The following SH3KBP1 variants were observed in gnomAD, a reference collection of about 807,000 sequenced individuals.
The protein encoded by SH3KBP1 is SH3 domain containing kinase binding protein 1.
In SH3KBP1, 8 loss-of-function variants were observed where a neutral mutation model predicts 50.1. The observed-to-expected ratio is 0.16, with a 90% CI of 0.09 to 0.29. The LOEUF is 0.29. SH3KBP1 is among the 10% of genes least tolerant of loss of function. The pLI is 1.00. For synonymous variants in SH3KBP1, 227 were observed against 218.6 expected (o/e 1.04, Z -0.34); for missense variants, 377 against 535.2 (o/e 0.70, Z 2.92).
intron 5 of SH3KBP1, among the ~76,000 whole-genome samples, chrX:19,687,276 T>C (rs2063187839): frequency 8.9e-6 from 1 of 112,634 alleles, no homozygotes; most frequent in Non-Finnish European, 1.9e-5. Flanking sequence ...CAGGAAGCCA[T>C]CTTACACCAC....
intron 4 of SH3KBP1, among the ~76,000 whole-genome samples, chrX:19,696,088 A>G: frequency 1.8e-5 from 2 of 111,948 alleles, no homozygotes; most frequent in Middle Eastern, 4.7e-3. Context: ...AACCACAGAT[A>G]TTTTCATATC....
intron 2 of SH3KBP1, among the ~76,000 whole-genome samples, chrX:19,796,563 G>C (rs766604069): frequency 5.4e-5 from 6 of 111,947 alleles, no homozygotes; most frequent in African/African-American, 1.9e-4. Context: ...TCAGGGCAGG[G>C]GAAAGCTATT....
At chrX:19,740,360 C>T (rs1285387868) in intron 3 of SH3KBP1, among the ~76,000 whole-genome samples, 2 of 111,944 alleles carry the variant, frequency 1.8e-5, no homozygotes, top group African/African-American at 3.3e-5. Flanking sequence ...TTCACACAGA[C>T]GTATATATTA....
intron 2 of SH3KBP1, among the ~76,000 whole-genome samples, chrX:19,820,908 A>G (rs1011796698): frequency 4.5e-5 from 5 of 111,437 alleles, no homozygotes; most frequent in African/African-American, 1.6e-4. Flanking sequence ...TACATATGTA[A>G]CTTGTCACAG....
chrX:19,792,434 A>G (rs2066559149), intron 2 of SH3KBP1, among the ~76,000 whole-genome samples: 1 of 111,477 alleles, frequency 9.0e-6, no homozygotes, highest in Admixed American at 9.5e-5. Flanking sequence ...CTTTTCTATC[A>G]AAACATTTTT....
chrX:19,683,754 C>T, intron 6 of SH3KBP1, 69 bp downstream of exon 6: 1 of 1,051,487 alleles, frequency 9.5e-7, no homozygotes. Context: ...GCCTCCAGCA[C>T]CAAACCCCAC....
chrX:19,739,014 G>GAA (rs1167676836), intron 3 of SH3KBP1, among the ~76,000 whole-genome samples: 87 of 22,446 alleles, frequency 3.9e-3, no homozygotes, highest in Non-Finnish European at 4.3e-3. Flanking sequence ...CTGCCTCCAA[G>GAA]AAAAAAAAAA....
chrX:19,642,332 A>T (rs1260217963), intron 7 of SH3KBP1, among the ~76,000 whole-genome samples: 1 of 112,106 alleles, frequency 8.9e-6, no homozygotes, highest in African/African-American at 3.2e-5. Context: ...AATGATAGCA[A>T]CAAGGTTCCA....
At chrX:19,839,841 A>G (rs2068172980) in intron 1 of SH3KBP1, among the ~76,000 whole-genome samples, 1 of 111,328 alleles carries the variant, frequency 9.0e-6, no homozygotes, top group Non-Finnish European at 1.9e-5. Flanking sequence ...GGGCCCCTAT[A>G]AGCATCCATG....
At chrX:19,854,032 G>A (rs763779975) in intron 1 of SH3KBP1, among the ~76,000 whole-genome samples, 2 of 111,416 alleles carry the variant, frequency 1.8e-5, no homozygotes, top group African/African-American at 6.5e-5. Context: ...CACAGAATGG[G>A]AGACTACCTG....
At chrX:19,858,162 G>T (rs900094976) in intron 1 of SH3KBP1, among the ~76,000 whole-genome samples, 14 of 110,754 alleles carry the variant, frequency 1.3e-4, no homozygotes, top group Non-Finnish European at 2.1e-4. Flanking sequence ...ATAGTTGACA[G>T]AGCAAGACTC....
intron 8 of SH3KBP1, among the ~76,000 whole-genome samples, chrX:19,625,557 A>G (rs1270218727): frequency 8.9e-6 from 1 of 111,834 alleles, no homozygotes; most frequent in Non-Finnish European, 1.9e-5. Flanking sequence ...GGACTCCTAC[A>G]GTCATGGATG....
At chrX:19,638,408 C>CA (rs59079416) in intron 7 of SH3KBP1, among the ~76,000 whole-genome samples, 12,225 of 41,591 alleles carry the variant, frequency 0.29, 1,510 homozygotes, top group Non-Finnish European at 0.31. Context: ...GACTCCGTCT[C>CA]AAAAAAAAAA....
At chrX:19,811,222 G>T (rs1386352065) in intron 2 of SH3KBP1, among the ~76,000 whole-genome samples, 1 of 111,362 alleles carries the variant, frequency 9.0e-6, no homozygotes, top group Non-Finnish European at 1.9e-5. Flanking sequence ...ATTGAATCAT[G>T]AATATAAGCC....
At chrX:19,604,732 G>A (rs1164095306) in intron 9 of SH3KBP1, among the ~76,000 whole-genome samples, 1 of 111,915 alleles carries the variant, frequency 8.9e-6, no homozygotes, top group African/African-American at 3.2e-5. Flanking sequence ...AATACTCTGG[G>A]TGCAGCAATA....
chrX:19,544,051 G>A (rs2065017205), intron 15 of SH3KBP1, among the ~76,000 whole-genome samples: 3 of 111,041 alleles, frequency 2.7e-5, no homozygotes, highest in Non-Finnish European at 3.8e-5. Context: ...CCCAGCGCAG[G>A]AGCCAAAAGG....
At chrX:19,769,692 C>T (rs758699270) in intron 2 of SH3KBP1, among the ~76,000 whole-genome samples, 2 of 110,741 alleles carry the variant, frequency 1.8e-5, no homozygotes, top group Admixed American at 1.9e-4. Flanking sequence ...AATCAGACTG[C>T]TAAAAAAAAT....
intron 15 of SH3KBP1, among the ~76,000 whole-genome samples, chrX:19,543,462 G>A (rs1186998785): frequency 8.9e-6 from 1 of 111,741 alleles, no homozygotes; most frequent in Non-Finnish European, 1.9e-5. Context: ...CGTGGGTGAA[G>A]GGTGCTGAGA....
At chrX:19,597,778 A>G (rs1235079790) in intron 9 of SH3KBP1, among the ~76,000 whole-genome samples, 1 of 112,588 alleles carries the variant, frequency 8.9e-6, no homozygotes, top group Non-Finnish European at 1.9e-5. Context: ...GCTTCAACTT[A>G]AAGTCACCAG....
Sources: gnomAD v4.1 joint callset for allele counts (sites outside exome capture counted in the v4.1 genomes callset) on GRCh38, gnomAD v4.1.1 for gene constraint, MANE v1.5 for transcripts, NCBI Gene and HGNC (gene_info 2026-07-23, HGNC 2026-07-21) for gene names.